The following NRXN2 variants were observed in gnomAD, a reference collection of about 807,000 sequenced individuals.
NRXN2 encodes neurexin 2, also known as neurexin-2-beta.
A neutral mutation model predicts 128.8 loss-of-function variants in NRXN2; 29 were observed. That is an observed-to-expected ratio of 0.23 (90% CI 0.17 to 0.31). The LOEUF (loss-of-function observed/expected upper bound fraction) is 0.31. NRXN2 is among the 10% of genes least tolerant of loss of function. The pLI is 1.00. For missense variants in NRXN2, 1,881 were observed against 2,452.6 expected, an observed-to-expected ratio of 0.77 and a Z score of 4.92; for synonymous variants, 1,098 against 1,075.2, an observed-to-expected ratio of 1.02 and a Z score of -0.41.
At chr11:64,654,327 G>A (rs1440570846) in intron 11 of NRXN2, among the ~76,000 whole-genome samples, 1 of 152,142 alleles carries the variant, frequency 6.6e-6, no homozygotes, top group African/African-American at 2.4e-5. Context: ...TTCCAATCCT[G>A]GGAAATGCCA....
In NRXN2 at chr11:64,664,435, G is replaced by A. The variant is rs1218164498; in HGVS notation, c.1798+2815C>T. Among the ~76,000 whole-genome samples the A allele has an allele frequency of 3.4e-5, 5 of 146,452 alleles. No individual in the cohort carries two copies. In the East Asian group the frequency reaches 6.1e-4, roughly 18 times the overall value. On this transcript the variant is annotated intron_variant, in intron 9 of 22. Coordinates refer to ENST00000265459, the MANE Select transcript of NRXN2 (RefSeq NM_015080.4). ...AGAGGTTGCAGTGAGCCGAGATTGC[G>A]CCACTGCGCTCCAGCCTAGGCAACG...
At chr11:64,628,341 G>C (rs1312885015) in intron 19 of NRXN2, among the ~76,000 whole-genome samples, 2 of 152,124 alleles carry the variant, frequency 1.3e-5, no homozygotes, top group African/African-American at 4.8e-5. Context: ...AGAATCCATG[G>C]GCTGTGTCTC....
At chr11:64,611,347 C>T (rs1379562520) in intron 22 of NRXN2, among the ~76,000 whole-genome samples, 2 of 152,208 alleles carry the variant, frequency 1.3e-5, no homozygotes, top group Middle Eastern at 3.2e-3. Flanking sequence ...GCTCCCACCC[C>T]AGCTCACCAC....
At position 64,660,306 on chromosome 11, in the gene NRXN2, C is replaced by A; in HGVS notation, c.2389+26G>T. 6.2e-7 allele frequency: 1 copy of A among 1,611,070 alleles called. No homozygotes were observed. Among genetic ancestry groups the A allele is most frequent in the African/African-American group, 1.3e-5 (1 of 74,936 alleles). On this transcript the variant is annotated intron_variant, in intron 11 of 22. Coordinates refer to ENST00000265459, the MANE Select transcript of NRXN2 (RefSeq NM_015080.4). This position sits in a 1 kb window ranked among gnomAD's most constrained non-coding sequence, Gnocchi z 5.2. ...TCAGAGACAAGGCCAGGTGAGGGGT[C>A]AGGAAGCACAGGGCAGGGTGGTTAC...
At chr11:64,712,017 C>T (rs770370763) in intron 2 of NRXN2, among the ~76,000 whole-genome samples, 31 of 152,220 alleles carry the variant, frequency 2.0e-4, no homozygotes, top group Non-Finnish European at 4.0e-4. Flanking sequence ...GTCCAGGCCG[C>T]ACAGGCCGCA....
At chr11:64,663,642 C>A (rs2049368823) in intron 9 of NRXN2, among the ~76,000 whole-genome samples, 1 of 152,122 alleles carries the variant, frequency 6.6e-6, no homozygotes, top group African/African-American at 2.4e-5. Flanking sequence ...CAACCAGACT[C>A]TCTACAAATG....
chr11:64,711,438 G>A (rs532298261), intron 2 of NRXN2, among the ~76,000 whole-genome samples: 40 of 152,234 alleles, frequency 2.6e-4, no homozygotes, highest in African/African-American at 9.2e-4. Context: ...CCCACGCCCA[G>A]CCAGACCCTA....
At chr11:64,688,601 G>A in intron 5 of NRXN2, 6 of 985,358 alleles carry the variant, frequency 6.1e-6, no homozygotes, top group Non-Finnish European at 7.2e-6. Context: ...CGCCGGTCTG[G>A]CGCGACTGGG....
chr11:64,610,359 G>GT (rs2040427074), intron 22 of NRXN2, among the ~76,000 whole-genome samples: 1 of 152,284 alleles, frequency 6.6e-6, no homozygotes, highest in African/African-American at 2.4e-5. Flanking sequence ...TGAGGCCTGG[G>GT]TGGGCAGGAC....
intron 6 of NRXN2, among the ~76,000 whole-genome samples, chr11:64,680,288 A>G (rs1453040890): frequency 6.6e-6 from 1 of 152,198 alleles, no homozygotes; most frequent in Admixed American, 6.5e-5. Flanking sequence ...GGGTGAAGAC[A>G]ATCTGTGGAC....
rs756530426 is a variant in NRXN2 at position 64,667,648 on chromosome 11, C to T, written c.1400G>A (p.Arg467His). Residue 467 changes from arginine (R) to histidine (H), a missense_variant, in exon 9 of 23, where the codon CGC (arginine) becomes CAC (histidine). By Grantham distance (29) the Arg-to-His change is conservative. Around this residue, in one of 7 missense-constraint regions of NRXN2, gnomAD observed 997 missense variants for 1,240.8 expected, o/e 0.80. Coordinates refer to ENST00000265459, the MANE Select transcript of NRXN2 (RefSeq NM_015080.4). The surrounding 1 kb of genome is among the most constrained non-coding windows in gnomAD (Gnocchi z 5.6). ...KNNDFKLELS[R>H]LAKEGDPKMK... ...CTTGGGGTCCCCTTCCTTTGCCAGG[C>T]GGGATAGTTCCAATTTGAAGTCATT... 46 of 1,614,164 alleles carry T rather than the reference C, an allele frequency of 2.8e-5. No individual in the cohort carries two copies. Among genetic ancestry groups the T allele is most frequent in the South Asian group, 2.5e-4 (23 of 91,080 alleles).
chr11:64,638,914 T>G (rs2045245589), intron 17 of NRXN2, among the ~76,000 whole-genome samples: 1 of 152,098 alleles, frequency 6.6e-6, no homozygotes, highest in African/African-American at 2.4e-5. Context: ...TCAAGAATAT[T>G]CCATGCAGTC....
chr11:64,613,033 G>A (rs936254475), intron 22 of NRXN2, among the ~76,000 whole-genome samples: 1 of 152,244 alleles, frequency 6.6e-6, no homozygotes, highest in African/African-American at 2.4e-5. Flanking sequence ...CTGTGCCACT[G>A]TGTATGGTGC....
At chr11:64,652,698 G>A (rs1318793316) in intron 12 of NRXN2, among the ~76,000 whole-genome samples, 3 of 152,120 alleles carry the variant, frequency 2.0e-5, no homozygotes, top group Admixed American at 6.5e-5. Flanking sequence ...AATGGGACCC[G>A]ATGGGACCTT....
intron 2 of NRXN2, among the ~76,000 whole-genome samples, chr11:64,700,007 G>A (rs1270819326): frequency 1.3e-5 from 2 of 152,178 alleles, no homozygotes; most frequent in African/African-American, 4.8e-5. Context: ...GGCTTGGTTT[G>A]TTTCTGGCTT....
rs933113358 is a variant in NRXN2 at position 64,607,016 on chromosome 11, G to T, written c.*180C>A. The T allele has an allele frequency of 1.2e-5, 8 of 662,488 alleles. No homozygotes were observed. In the Admixed American group the frequency reaches 2.4e-4, roughly 20 times the overall value. 41.0% of individuals were successfully genotyped at this position (662,488 alleles called of 1,614,324 possible). On this transcript the variant is annotated 3_prime_UTR_variant, in exon 23 of 23. Coordinates refer to ENST00000265459, the MANE Select transcript of NRXN2 (RefSeq NM_015080.4). ...GGACTGACGAGGCCGCGCAGTGGAC[G>T]GCAGGAGGAAGGGGGCGAGCACGGG...
chr11:64,628,012 T>G (rs560954370), intron 19 of NRXN2, among the ~76,000 whole-genome samples: 1 of 152,250 alleles, frequency 6.6e-6, no homozygotes, highest in Admixed American at 6.5e-5. Flanking sequence ...GCTTTCCCTA[T>G]AGATTCAGGA....
rs2048890075 is a variant in NRXN2 at position 64,660,610 on chromosome 11, T to C, written c.2186-75A>G. On this transcript the variant is annotated intron_variant, in intron 10 of 22. Transcript: ENST00000265459. This position sits in a 1 kb window ranked among gnomAD's most constrained non-coding sequence, Gnocchi z 5.2. ...GGGGAGGGAGAAGACCAGAGAATCATTACAAGGGCGAAAAGCCTAGGGCAG... is the reference window on the plus strand; with the variant it reads ...GGGGAGGGAGAAGACCAGAGAATCACTACAAGGGCGAAAAGCCTAGGGCAG... 1 of 1,593,042 alleles carries C rather than the reference T, an allele frequency of 6.3e-7. No homozygotes were observed. The highest frequency in any genetic ancestry group is 1.7e-5 in the Admixed American group (1 of 59,860).
chr11:64,715,936 C>A (rs1207851072), intron 1 of NRXN2, among the ~76,000 whole-genome samples: 2 of 152,204 alleles, frequency 1.3e-5, no homozygotes, highest in Non-Finnish European at 2.9e-5. Flanking sequence ...CACCCCCCCA[C>A]ACACAAGCAT....
Sources: allele counts gnomAD v4.1 joint callset (sites outside exome capture counted in the v4.1 genomes callset), GRCh38; gene constraint gnomAD v4.1.1; regional missense constraint gnomAD v4.1.1; non-coding constraint Gnocchi (gnomAD v3.1); transcripts MANE v1.5; gene names NCBI Gene and HGNC (gene_info 2026-07-23, HGNC 2026-07-21).